The following OR1J2 variants were observed in gnomAD, a reference collection of about 807,000 sequenced individuals.
OR1J2 encodes olfactory receptor 1J2.
For missense variants in OR1J2, 304 were observed against 246.1 expected, an observed-to-expected ratio of 1.24 and a Z score of -1.57; for synonymous variants, 142 against 99.7, an observed-to-expected ratio of 1.42 and a Z score of -2.52.
the OR1J2 span, among the ~76,000 whole-genome samples, chr9:122,560,428 G>A: frequency 6.6e-6 from 1 of 151,934 alleles, no homozygotes; most frequent in African/African-American, 2.4e-5. Flanking sequence ...TAGTATCGTT[G>A]GTCTTTATAT....
the OR1J2 span, among the ~76,000 whole-genome samples, chr9:122,538,361 T>C: frequency 6.6e-6 from 1 of 152,372 alleles, no homozygotes; most frequent in African/African-American, 2.4e-5. Flanking sequence ...AATGTATTTC[T>C]AGGTATCTTA....
the OR1J2 span, among the ~76,000 whole-genome samples, chr9:122,548,212 G>A: frequency 2.0e-5 from 3 of 152,166 alleles, no homozygotes; most frequent in Non-Finnish European, 4.4e-5. Context: ...TGAATTAAAT[G>A]AGGAATAGTA....
the OR1J2 span, among the ~76,000 whole-genome samples, chr9:122,549,949 C>T: frequency 6.6e-6 from 1 of 152,012 alleles, no homozygotes; most frequent in Non-Finnish European, 1.5e-5. Flanking sequence ...TTGCTTTGGG[C>T]AGCATGGTAA....
the OR1J2 span, among the ~76,000 whole-genome samples, chr9:122,503,204 G>T: frequency 6.6e-6 from 1 of 152,198 alleles, no homozygotes; most frequent in African/African-American, 2.4e-5. Context: ...AGTGGTAGTG[G>T]CTAAGGCATG....
At chr9:122,553,321 T>C in the OR1J2 span, 1 of 1,614,052 alleles carries the variant, frequency 6.2e-7, no homozygotes, top group Non-Finnish European at 8.5e-7. Flanking sequence ...TTCCTTGGCA[T>C]GTACCTGGTC....
At chr9:122,564,117 T>G in the OR1J2 span, among the ~76,000 whole-genome samples, 4 of 152,186 alleles carry the variant, frequency 2.6e-5, no homozygotes, top group Non-Finnish European at 5.9e-5. Context: ...TACTGGACAC[T>G]GGCTCTCAAC....
chr9:122,572,157 G>A, the OR1J2 span, among the ~76,000 whole-genome samples: 1 of 152,176 alleles, frequency 6.6e-6, no homozygotes, highest in South Asian at 2.1e-4. Flanking sequence ...TAGCACCAGT[G>A]ACAGTGCTAA....
chr9:122,508,129 A>G (rs1588188032), upstream of OR1J2, among the ~76,000 whole-genome samples: 1 of 137,634 alleles, frequency 7.3e-6, no homozygotes, highest in South Asian at 2.3e-4. Context: ...TGAGGGGGGG[A>G]GAGAGAGAGA....
At chr9:122,472,846 A>G in the OR1J2 span, among the ~76,000 whole-genome samples, 1 of 152,196 alleles carries the variant, frequency 6.6e-6, no homozygotes, top group South Asian at 2.1e-4. Flanking sequence ...CCTTAAAGGA[A>G]TTGATTCTTG....
chr9:122,451,185 T>TATTATG, the OR1J2 span, among the ~76,000 whole-genome samples: 1 of 147,556 alleles, frequency 6.8e-6, no homozygotes, highest in Admixed American at 6.8e-5. Context: ...TTATTATTAT[T>TATTATG]ATTATTATTA....
chr9:122,557,949 T>G, the OR1J2 span, among the ~76,000 whole-genome samples: 1 of 152,044 alleles, frequency 6.6e-6, no homozygotes, highest in African/African-American at 2.4e-5. Flanking sequence ...ATTGTGGCTT[T>G]CCAAGAATTG....
At chr9:122,503,710 CT>C in the OR1J2 span, among the ~76,000 whole-genome samples, 1 of 152,210 alleles carries the variant, frequency 6.6e-6, no homozygotes, top group Admixed American at 6.5e-5. Context: ...AACTTCCACT[CT>C]TACTCCCTCC....
chr9:122,491,392 T>C, the OR1J2 span, among the ~76,000 whole-genome samples: 5 of 149,034 alleles, frequency 3.4e-5, no homozygotes, highest in Non-Finnish European at 5.9e-5. Context: ...ATGAGGTTAG[T>C]AAAAGCTGAG....
chr9:122,456,668 T>C, the OR1J2 span, among the ~76,000 whole-genome samples: 1 of 152,044 alleles, frequency 6.6e-6, no homozygotes, highest in African/African-American at 2.4e-5. Flanking sequence ...AAAACCACAA[T>C]GAGATACCAT....
chr9:122,544,969 T>C, the OR1J2 span, among the ~76,000 whole-genome samples: 66,572 of 151,976 alleles, frequency 0.44, 15,699 homozygotes, highest in East Asian at 0.87. Flanking sequence ...AATTCAAGCA[T>C]TTAAAGCAAT....
chr9:122,487,432 T>C, the OR1J2 span, among the ~76,000 whole-genome samples: 100 of 149,416 alleles, frequency 6.7e-4, no homozygotes, highest in African/African-American at 2.1e-3. Flanking sequence ...TGTGTACTCA[T>C]CTGCAAGATT....
At chr9:122,496,321 C>T in the OR1J2 span, among the ~76,000 whole-genome samples, 1 of 152,110 alleles carries the variant, frequency 6.6e-6, no homozygotes, top group Non-Finnish European at 1.5e-5. Context: ...TCTTCAGCTA[C>T]AGGGTGGGTT....
At chr9:122,548,075 C>A in the OR1J2 span, among the ~76,000 whole-genome samples, 1 of 152,122 alleles carries the variant, frequency 6.6e-6, no homozygotes, top group Non-Finnish European at 1.5e-5. Flanking sequence ...TGCTTATTAA[C>A]CATTTGTATG....
the OR1J2 span, among the ~76,000 whole-genome samples, chr9:122,467,403 G>C: frequency 6.6e-6 from 1 of 152,182 alleles, no homozygotes; most frequent in Non-Finnish European, 1.5e-5. Flanking sequence ...TTTCCCAAGA[G>C]GGGGAAATAA....
Sources: gnomAD v4.1 joint callset for allele counts (sites outside exome capture counted in the v4.1 genomes callset) on GRCh38, gnomAD v4.1.1 for gene constraint, MANE v1.5 for transcripts, NCBI Gene and HGNC (gene_info 2026-07-23, HGNC 2026-07-21) for gene names.